Variants in MGAT4A observed in about 807,000 individuals in gnomAD.
The protein encoded by MGAT4A is N-acetylglucosaminyltransferase IVa.
In MGAT4A, 33 loss-of-function variants were observed where a neutral mutation model predicts 74.1. That is an observed-to-expected ratio of 0.45 (90% CI 0.34 to 0.60). The LOEUF is 0.60. MGAT4A is among the 20% of genes least tolerant of loss of function. The pLI is 0.02. For missense variants in MGAT4A, 479 were observed against 628.3 expected (o/e 0.76, Z 2.54); for synonymous variants, 198 against 210.4 (o/e 0.94, Z 0.51).
chr2:98,621,303 T>G lies in MGAT4A; in HGVS notation c.*4263A>C. On this transcript the variant is annotated 3_prime_UTR_variant, in exon 16 of 16. Transcript: ENST00000393487. ...ATGAATGCCTTTCCAAGCCTATGAATGAGCTTATGGGCTGAATTCAGTTCC... is the reference window on the plus strand; with the variant it reads ...ATGAATGCCTTTCCAAGCCTATGAAGGAGCTTATGGGCTGAATTCAGTTCC... The G allele has an allele frequency of 5.1e-5, 71 of 1,380,186 alleles. No homozygotes were observed. The highest frequency in any genetic ancestry group is 6.3e-5 in the Non-Finnish European group (66 of 1,042,732). The allele number at this position is 1,380,186 out of a possible 1,614,324, so 85.5% of individuals were successfully genotyped here.
intron 14 of MGAT4A, among the ~76,000 whole-genome samples, chr2:98,633,137 T>C (rs1235414239): frequency 1.3e-5 from 2 of 152,204 alleles, no homozygotes; most frequent in Admixed American, 1.3e-4. Flanking sequence ...CAGGGCCAAG[T>C]ATTCTCACCC....
In MGAT4A at chr2:98,684,356, G is replaced by GC. The variant is rs374794705; in HGVS notation, c.95-5886dup. Among the ~76,000 whole-genome samples the GC allele has an allele frequency of 5.1e-3, 774 of 152,262 alleles. 8 individuals are homozygous for GC. The highest frequency in any genetic ancestry group is 0.018 in the African/African-American group (747 of 41,554). Reference sequence around the variant, plus strand: ...TCATACTACCATCTTACTGGGAAGTGCCCAGTTTTGTTTATTGTTTTGTTT... The same window carrying GC: ...TCATACTACCATCTTACTGGGAAGTGCCCCAGTTTTGTTTATTGTTTTGTTT... On this transcript the variant is annotated intron_variant, in intron 2 of 15. Transcript: ENST00000393487.
At chr2:98,655,633 T>A in intron 7 of MGAT4A, 113 bp from the exon 8 acceptor site, 1 of 658,664 alleles carries the variant, frequency 1.5e-6, no homozygotes, top group South Asian at 2.0e-5. Context: ...TGTATATGTG[T>A]ACACACACAC....
rs919356570 is a variant in MGAT4A, at chr2:98,719,732, C to T, written c.94+6507G>A. On this transcript the variant is annotated intron_variant, in intron 2 of 15. Coordinates refer to ENST00000393487, the MANE Select transcript of MGAT4A (RefSeq NM_012214.3). ...GGCGATCTCGGCTCACTGCAACCTC[C>T]GCCTCCTGGGTTCAAGCAATTCTCC... Among the ~76,000 whole-genome samples, 7 of 152,274 alleles carry T rather than the reference C, an allele frequency of 4.6e-5. No homozygotes were observed. The East Asian group carries it at 5.8e-4, about 13-fold the overall frequency.
chr2:98,693,633 T>C (rs149314568), intron 2 of MGAT4A, among the ~76,000 whole-genome samples: 224 of 148,340 alleles, frequency 1.5e-3, no homozygotes, highest in African/African-American at 5.3e-3. Flanking sequence ...GCTTGAGCCT[T>C]AGAGGTTAAG....
chr2:98,640,109 T>A lies in MGAT4A; in HGVS notation c.1128+12A>T. The A allele has an allele frequency of 1.9e-6, 3 of 1,590,250 alleles. No homozygotes were observed. The South Asian group carries it at 3.5e-5, about 18-fold the overall frequency. ...TTGTATGTTCATGAGAAAATAAAATTAAGTCACCAACCGTGAGTTTTTGGA... is the reference window on the plus strand; with the variant it reads ...TTGTATGTTCATGAGAAAATAAAATAAAGTCACCAACCGTGAGTTTTTGGA... On this transcript the variant is annotated intron_variant, in intron 11 of 15. Coordinates refer to ENST00000393487, the MANE Select transcript of MGAT4A (RefSeq NM_012214.3).
chr2:98,694,856 A>T (rs908091373), intron 2 of MGAT4A: 1 of 153,600 alleles, frequency 6.5e-6, no homozygotes, highest in African/African-American at 2.4e-5. Flanking sequence ...ACAAACAAAA[A>T]ACACAGATGG....
At chr2:98,691,339 C>G (rs540081191) in intron 2 of MGAT4A, among the ~76,000 whole-genome samples, 6 of 152,040 alleles carry the variant, frequency 3.9e-5, no homozygotes, top group African/African-American at 1.2e-4. Flanking sequence ...TACTAGGGAG[C>G]TGAGGCGGGA....
intron 4 of MGAT4A, among the ~76,000 whole-genome samples, chr2:98,671,271 G>A (rs1001962666): frequency 5.3e-5 from 8 of 152,126 alleles, no homozygotes; most frequent in Admixed American, 1.3e-4. Context: ...TCACTGAAAC[G>A]GCCTATCTGG....
intron 4 of MGAT4A, among the ~76,000 whole-genome samples, chr2:98,667,044 A>G (rs1042607785): frequency 2.0e-5 from 3 of 152,158 alleles, no homozygotes; most frequent in Admixed American, 6.5e-5. Flanking sequence ...GATAGTGAAT[A>G]AGTCTTACAA....
intron 4 of MGAT4A, among the ~76,000 whole-genome samples, chr2:98,673,791 C>A (rs1701942583): frequency 6.6e-6 from 1 of 152,090 alleles, no homozygotes; most frequent in Non-Finnish European, 1.5e-5. Context: ...TGTAAACAAA[C>A]AAACCCACAA....
intron 1 of MGAT4A, among the ~76,000 whole-genome samples, chr2:98,729,824 C>T (rs534465597): frequency 6.6e-6 from 1 of 152,352 alleles, no homozygotes; most frequent in East Asian, 1.9e-4. Context: ...ACAATAATCC[C>T]TGATATCTGG....
intron 2 of MGAT4A, among the ~76,000 whole-genome samples, chr2:98,715,694 A>G (rs1215818380): frequency 6.6e-6 from 1 of 152,170 alleles, no homozygotes; most frequent in Non-Finnish European, 1.5e-5. Context: ...TAATGGGTAT[A>G]ATACCTGGGT....
At chr2:98,669,498 T>C (rs946481724) in intron 4 of MGAT4A, among the ~76,000 whole-genome samples, 6 of 152,214 alleles carry the variant, frequency 3.9e-5, no homozygotes, top group Admixed American at 3.9e-4. Flanking sequence ...CAGTATGTCT[T>C]TATTAGCAGC....
intron 2 of MGAT4A, among the ~76,000 whole-genome samples, chr2:98,711,725 C>T (rs72956625): frequency 9.9e-4 from 150 of 152,268 alleles, no homozygotes; most frequent in African/African-American, 3.5e-3. Flanking sequence ...CAGCCTCAAC[C>T]TCCCAGTCCT....
chr2:98,660,928 T>C lies in MGAT4A; in HGVS notation c.537+2118A>G, dbSNP rs995343243. Among the ~76,000 whole-genome samples, 9 of 152,176 alleles carry C rather than the reference T, an allele frequency of 5.9e-5. No homozygotes were observed. In the East Asian group the frequency reaches 7.7e-4, roughly 13 times the overall value. On this transcript the variant is annotated intron_variant, in intron 5 of 15. Coordinates refer to ENST00000393487, the MANE Select transcript of MGAT4A (RefSeq NM_012214.3). Reference sequence around the variant, plus strand: ...AAAAATAGACAAATAGGATCACATCTAACTAAAACTCTTCTACATGGCAAA... The same window carrying C: ...AAAAATAGACAAATAGGATCACATCCAACTAAAACTCTTCTACATGGCAAA...
At chr2:98,729,983 C>CG (rs1702821767) in intron 1 of MGAT4A, among the ~76,000 whole-genome samples, 1 of 152,216 alleles carries the variant, frequency 6.6e-6, no homozygotes, top group Non-Finnish European at 1.5e-5. Flanking sequence ...CGGGTTTACA[C>CG]GTGTGGGTTA....
chr2:98,620,341 CT>C lies in MGAT4A; in HGVS notation c.*5224del, dbSNP rs1258344824. 1.3e-5 allele frequency: 2 copies of C among 152,130 alleles called. No individual in the cohort carries two copies. The highest frequency in any genetic ancestry group is 2.9e-5 in the Non-Finnish European group (2 of 68,006). 9.4% of individuals were successfully genotyped at this position (152,130 alleles called of 1,614,324 possible). Reference sequence around the variant, plus strand: ...ACTGCAACATAACTTGGAAAAGTTCCTTTTCTATAAAGGGATTGGACTGGAT... The same window carrying C: ...ACTGCAACATAACTTGGAAAAGTTCCTTTCTATAAAGGGATTGGACTGGAT... On this transcript the variant is annotated 3_prime_UTR_variant, in exon 16 of 16. Coordinates refer to ENST00000393487, the MANE Select transcript of MGAT4A (RefSeq NM_012214.3).
At chr2:98,640,873 T>C (rs553763875) in intron 10 of MGAT4A, among the ~76,000 whole-genome samples, 123 of 152,318 alleles carry the variant, frequency 8.1e-4, no homozygotes, top group Non-Finnish European at 1.5e-3. Flanking sequence ...TTAGTTCAAA[T>C]ATACAAAATA....
Sources: allele counts gnomAD v4.1 joint callset (sites outside exome capture counted in the v4.1 genomes callset), GRCh38; gene constraint gnomAD v4.1.1; transcripts MANE v1.5; gene names NCBI Gene and HGNC (gene_info 2026-07-23, HGNC 2026-07-21).